The following EHMT1 variants were observed in gnomAD, a reference collection of about 807,000 sequenced individuals.
EHMT1 encodes the protein histone-lysine N-methyltransferase EHMT1.
In EHMT1, 15 loss-of-function variants were observed where a neutral mutation model predicts 147.2. The ratio of observed to expected loss-of-function variants is 0.10; its 90% confidence interval spans 0.07 to 0.16. The LOEUF (loss-of-function observed/expected upper bound fraction) is 0.16. EHMT1 is among the 10% of genes least tolerant of loss of function. The pLI is 1.00. For synonymous variants in EHMT1, 795 were observed against 709.6 expected (o/e 1.12, Z -1.91); for missense variants, 1,587 against 1,772.4 (o/e 0.90, Z 1.88).
chr9:137,801,219 C>T (rs779073709), intron 18 of EHMT1, among the ~76,000 whole-genome samples: 2 of 152,186 alleles, frequency 1.3e-5, no homozygotes, highest in Non-Finnish European at 2.9e-5. Flanking sequence ...GAGGGCGCTG[C>T]ACTGCCCTGG....
chr9:137,709,490 T>C (rs1944512327), intron 1 of EHMT1, among the ~76,000 whole-genome samples: 1 of 152,102 alleles, frequency 6.6e-6, no homozygotes, highest in Non-Finnish European at 1.5e-5. Context: ...TGTTACCAAG[T>C]CAGCCCAGAA....
intron 13 of EHMT1, among the ~76,000 whole-genome samples, chr9:137,779,415 T>C (rs573543564): frequency 2.0e-5 from 3 of 152,366 alleles, no homozygotes; most frequent in Middle Eastern, 3.4e-3. Context: ...TGTCCGCAGT[T>C]TTTACCATGA....
At chr9:137,833,555 G>A (rs567171048) in intron 25 of EHMT1, among the ~76,000 whole-genome samples, 2 of 152,334 alleles carry the variant, frequency 1.3e-5, no homozygotes, top group African/African-American at 2.4e-5. Context: ...CAAGCCCTGG[G>A]TCTCCAGAGA....
At chr9:137,670,224 G>A (rs903503132) in intron 1 of EHMT1, among the ~76,000 whole-genome samples, 2 of 152,024 alleles carry the variant, frequency 1.3e-5, no homozygotes, top group African/African-American at 4.8e-5. Context: ...CCTTCTTTGC[G>A]CCAAACTCCT....
intron 16 of EHMT1, among the ~76,000 whole-genome samples, chr9:137,796,703 C>CAAAAA (rs11449759): frequency 7.0e-5 from 6 of 85,824 alleles, no homozygotes; most frequent in Non-Finnish European, 8.3e-5. Flanking sequence ...GACTCCATCT[C>CAAAAA]AAAAAAAAAA....
intron 1 of EHMT1, among the ~76,000 whole-genome samples, chr9:137,681,648 C>A (rs1247249121): frequency 6.6e-6 from 1 of 152,154 alleles, no homozygotes; most frequent in Non-Finnish European, 1.5e-5. Flanking sequence ...GGAAGCCTCC[C>A]ACGCCCGTCC....
chr9:137,633,042 C>T (rs1171488343), intron 1 of EHMT1, among the ~76,000 whole-genome samples: 1 of 152,092 alleles, frequency 6.6e-6, no homozygotes, highest in African/African-American at 2.4e-5. Flanking sequence ...AGTGGGTGGT[C>T]ACCGGTTATG....
intron 9 of EHMT1, among the ~76,000 whole-genome samples, chr9:137,760,837 G>A (rs1268037639): frequency 1.3e-5 from 2 of 152,114 alleles, no homozygotes; most frequent in South Asian, 2.1e-4. Flanking sequence ...GTGAAACCCC[G>A]TCTCTACTGA....
At chr9:137,753,452 G>A (rs1004870914) in intron 7 of EHMT1, among the ~76,000 whole-genome samples, 1 of 152,226 alleles carries the variant, frequency 6.6e-6, no homozygotes, top group Admixed American at 6.5e-5. Context: ...TGTGTGTGCT[G>A]CAGACAGGGC....
chr9:137,726,911 G>A (rs1296699856), intron 3 of EHMT1, among the ~76,000 whole-genome samples: 5 of 152,184 alleles, frequency 3.3e-5, no homozygotes, highest in Non-Finnish European at 5.9e-5. Flanking sequence ...GCATTTCCCT[G>A]ATGAGGGTAA....
chr9:137,832,064 G>C (rs1588933482), intron 25 of EHMT1, among the ~76,000 whole-genome samples: 1 of 150,768 alleles, frequency 6.6e-6, no homozygotes, highest in South Asian at 2.1e-4. Flanking sequence ...CCCTCCACAG[G>C]CTCCGCCTCC....
chr9:137,672,636 G>GAACT (rs981236074), intron 1 of EHMT1, among the ~76,000 whole-genome samples: 1 of 152,230 alleles, frequency 6.6e-6, no homozygotes, highest in African/African-American at 2.4e-5. Flanking sequence ...GTACTGCAGT[G>GAACT]AACTAACCAA....
At chr9:137,653,414 T>C (rs974679993) in intron 1 of EHMT1, among the ~76,000 whole-genome samples, 1 of 152,152 alleles carries the variant, frequency 6.6e-6, no homozygotes, top group Non-Finnish European at 1.5e-5. Flanking sequence ...AACAGTGAAG[T>C]TGCTTAACGT....
At chr9:137,724,903 CATTCGTTGGGCATTCGTGTGG>C (rs1946442295) in intron 3 of EHMT1, among the ~76,000 whole-genome samples, 1 of 96,884 alleles carries the variant, frequency 1.0e-5, no homozygotes, top group Non-Finnish European at 2.4e-5. Flanking sequence ...ACAGATGTGG[CATTCGTTGGGCATTCGTGTGG>C]CAGGCTTGTG....
At chr9:137,655,910 T>C (rs1026464538) in intron 1 of EHMT1, among the ~76,000 whole-genome samples, 2 of 152,182 alleles carry the variant, frequency 1.3e-5, no homozygotes, top group Non-Finnish European at 1.5e-5. Flanking sequence ...GACCACTGTT[T>C]TAAAGTAATG....
chr9:137,739,149 A>G (rs1947826991), intron 4 of EHMT1, among the ~76,000 whole-genome samples: 1 of 151,556 alleles, frequency 6.6e-6, no homozygotes, highest in Non-Finnish European at 1.5e-5. Context: ...AAGCAGGCAG[A>G]TCACAAGGTC....
intron 1 of EHMT1, among the ~76,000 whole-genome samples, chr9:137,671,403 G>A (rs1439330049): frequency 2.6e-5 from 4 of 151,692 alleles, no homozygotes; most frequent in Non-Finnish European, 5.9e-5. Context: ...TATGATTAAC[G>A]CTTATCACTT....
intron 6 of EHMT1, among the ~76,000 whole-genome samples, chr9:137,751,703 A>T (rs1948982885): frequency 6.6e-6 from 1 of 152,224 alleles, no homozygotes; most frequent in South Asian, 2.1e-4. Flanking sequence ...AGAATTCCAG[A>T]ACATATTTTT....
rs1943031525 is a variant in EHMT1, at chr9:137,692,535, G to GT, written c.22-18431dup. 2.0e-5 allele frequency among the ~76,000 whole-genome samples: 3 copies of GT among 151,862 alleles called. No homozygotes were observed. In the South Asian group the frequency reaches 6.2e-4, roughly 32 times the overall value. The stretch of plus-strand genomic sequence containing the variant: ...CCCACCTCAGCCTCCCAAAGTGCTG[G>GT]TATTACAGACGTGAGCCACCGAGCC... On this transcript the variant is annotated intron_variant, in intron 1 of 26. Coordinates refer to ENST00000460843, the MANE Select transcript of EHMT1 (RefSeq NM_024757.5).
Sources: allele counts gnomAD v4.1 joint callset (sites outside exome capture counted in the v4.1 genomes callset), GRCh38; gene constraint gnomAD v4.1.1; transcripts MANE v1.5; gene names NCBI Gene and HGNC (gene_info 2026-07-23, HGNC 2026-07-21).